The following PDSS2 variants were observed in gnomAD, a reference collection of about 807,000 sequenced individuals.
The protein encoded by PDSS2 is decaprenyl diphosphate synthase subunit 2.
Under a neutral mutation model 44.5 loss-of-function variants are expected in PDSS2, and 31 were observed. The observed-to-expected ratio is 0.70, with a 90% CI of 0.52 to 0.94. The LOEUF is 0.94. PDSS2 is among the 40% of genes least tolerant of loss of function. The pLI is 0.00. For synonymous variants in PDSS2, 157 were observed against 180.3 expected (o/e 0.87, Z 1.03); for missense variants, 452 against 482.2 (o/e 0.94, Z 0.59).
intron 6 of PDSS2, among the ~76,000 whole-genome samples, chr6:107,199,412 T>C (rs575701558): frequency 2.6e-5 from 4 of 152,238 alleles, no homozygotes; most frequent in Admixed American, 1.3e-4. Context: ...GTGATCCTCC[T>C]GCCTCAGCCT....
chr6:107,185,123 T>TAAAAA (rs11317647), intron 7 of PDSS2, among the ~76,000 whole-genome samples: 91 of 88,604 alleles, frequency 1.0e-3, no homozygotes, highest in Non-Finnish European at 1.5e-3. Flanking sequence ...ACCTTATATC[T>TAAAAA]AAAAAAAAAA....
chr6:107,218,917 G>C (rs183318244), intron 4 of PDSS2, among the ~76,000 whole-genome samples: 1 of 152,186 alleles, frequency 6.6e-6, no homozygotes, highest in East Asian at 1.9e-4. Flanking sequence ...CATTAGCTGG[G>C]CCTGGTGGTG....
At chr6:107,172,087 T>A (rs1771599623) in intron 7 of PDSS2, among the ~76,000 whole-genome samples, 1 of 152,154 alleles carries the variant, frequency 6.6e-6, no homozygotes, top group Non-Finnish European at 1.5e-5. Context: ...CTGAAATAAA[T>A]TAAGTCCAAA....
At chr6:107,225,157 ATATATTTTTTTTTTTTTTT>A (rs1439880549) in intron 4 of PDSS2, among the ~76,000 whole-genome samples, 4 of 30,586 alleles carry the variant, frequency 1.3e-4, no homozygotes, top group Non-Finnish European at 2.0e-4. Flanking sequence ...ATATATATAT[ATATATTTTTTTTTTTTTTT>A]TTTTTTTTTT....
At chr6:107,443,957 G>A (rs374194302) in intron 1 of PDSS2, among the ~76,000 whole-genome samples, 96 of 152,188 alleles carry the variant, frequency 6.3e-4, no homozygotes, top group African/African-American at 2.2e-3. Flanking sequence ...CTTGCTATGC[G>A]CCAGGTACTG....
chr6:107,439,202 CA>C (rs1781443322), intron 1 of PDSS2, among the ~76,000 whole-genome samples: 1 of 152,154 alleles, frequency 6.6e-6, no homozygotes, highest in Non-Finnish European at 1.5e-5. Context: ...GGAAAAGCTG[CA>C]ATGAATACAG....
intron 4 of PDSS2, among the ~76,000 whole-genome samples, chr6:107,226,881 C>T (rs940855400): frequency 6.6e-6 from 1 of 151,784 alleles, no homozygotes; most frequent in Admixed American, 6.6e-5. Flanking sequence ...CCATGTTGGT[C>T]AGGCTGGTCT....
intron 1 of PDSS2, among the ~76,000 whole-genome samples, chr6:107,454,650 T>C (rs1295951537): frequency 6.6e-6 from 1 of 152,012 alleles, no homozygotes; most frequent in Non-Finnish European, 1.5e-5. Context: ...TTTTTTTTTT[T>C]CCTGCTGTTT....
intron 4 of PDSS2, among the ~76,000 whole-genome samples, chr6:107,219,090 C>A (rs963821962): frequency 2.0e-5 from 3 of 151,562 alleles, no homozygotes; most frequent in African/African-American, 7.3e-5. Context: ...AAAAAAAATT[C>A]TCTTTTAATG....
chr6:107,218,190 GAT>G (rs1198987358), intron 4 of PDSS2, among the ~76,000 whole-genome samples: 3 of 152,124 alleles, frequency 2.0e-5, no homozygotes, highest in Non-Finnish European at 4.4e-5. Context: ...GTTAAATTTA[GAT>G]ATTTGGCTCT....
rs564412591 is a variant in PDSS2 at position 107,350,810 on chromosome 6, C to CA, written c.297-16479dup. On this transcript the variant is annotated intron_variant, in intron 1 of 7. Transcript: ENST00000369037. ...GGGTGAACAGAGCAGGACCCTGTCTCAAAAAAAAAAGTAAACAAACAGGGA... is the reference window on the plus strand; with the variant it reads ...GGGTGAACAGAGCAGGACCCTGTCTCAAAAAAAAAAAGTAAACAAACAGGGA... Among the ~76,000 whole-genome samples, 649 of 139,608 alleles carry CA rather than the reference C, an allele frequency of 4.6e-3. 1 individual carries two copies. Among genetic ancestry groups the CA allele is most frequent in the Non-Finnish European group, 7.5e-3 (481 of 64,148 alleles). 91.6% of individuals were successfully genotyped at this position (139,608 alleles called of 152,430 possible).
At chr6:107,333,392 A>C in intron 2 of PDSS2, among the ~76,000 whole-genome samples, 1 of 152,248 alleles carries the variant, frequency 6.6e-6, no homozygotes, top group East Asian at 1.9e-4. Flanking sequence ...ATGCAGCAAA[A>C]AATGAGTAAT....
At chr6:107,390,696 T>C (rs1779752611) in intron 1 of PDSS2, among the ~76,000 whole-genome samples, 1 of 152,114 alleles carries the variant, frequency 6.6e-6, no homozygotes, top group Non-Finnish European at 1.5e-5. Context: ...GGTGAGGGTA[T>C]AGGGTATAAA....
At chr6:107,170,614 C>G (rs1392586198) in intron 7 of PDSS2, among the ~76,000 whole-genome samples, 12 of 96,512 alleles carry the variant, frequency 1.2e-4, no homozygotes, top group South Asian at 7.3e-4. Context: ...CCACCCCCCC[C>G]CCCCCACTTT....
intron 1 of PDSS2, among the ~76,000 whole-genome samples, chr6:107,458,346 G>A (rs1483394930): frequency 2.1e-5 from 3 of 146,118 alleles, no homozygotes; most frequent in South Asian, 2.1e-4. Context: ...AAAATTAGCC[G>A]GACGTGGTGG....
chr6:107,386,546 T>G (rs548067998), intron 1 of PDSS2, among the ~76,000 whole-genome samples: 1 of 152,214 alleles, frequency 6.6e-6, no homozygotes, highest in African/African-American at 2.4e-5. Flanking sequence ...TGACCATTCA[T>G]GTCATAAAAC....
chr6:107,273,298 T>C (rs1775666571), intron 3 of PDSS2, among the ~76,000 whole-genome samples: 1 of 151,646 alleles, frequency 6.6e-6, no homozygotes, highest in African/African-American at 2.4e-5. Context: ...ACCTGGGTGA[T>C]ACAGTGAGAC....
At chr6:107,188,489 G>C (rs191654162) in intron 7 of PDSS2, among the ~76,000 whole-genome samples, 1 of 152,276 alleles carries the variant, frequency 6.6e-6, no homozygotes, top group East Asian at 1.9e-4. Context: ...TGGGCCTAGG[G>C]AATAGAACAG....
At chr6:107,279,533 G>A (rs979806388) in intron 2 of PDSS2, among the ~76,000 whole-genome samples, 5 of 152,168 alleles carry the variant, frequency 3.3e-5, no homozygotes, top group African/African-American at 4.8e-5. Flanking sequence ...TATTACATAA[G>A]ACAATTCATG....
Sources: allele counts gnomAD v4.1 joint callset (sites outside exome capture counted in the v4.1 genomes callset), GRCh38; gene constraint gnomAD v4.1.1; transcripts MANE v1.5; gene names NCBI Gene and HGNC (gene_info 2026-07-23, HGNC 2026-07-21).